The following ESRRG variants were observed in gnomAD, a reference collection of about 807,000 sequenced individuals.
ESRRG encodes estrogen-related receptor gamma.
Under a neutral mutation model 44.0 loss-of-function variants are expected in ESRRG, and 13 were observed. That is an observed-to-expected ratio of 0.30 (90% CI 0.19 to 0.47). ESRRG has a LOEUF of 0.47. ESRRG is among the 20% of genes least tolerant of loss of function. ESRRG has a pLI of 1.00. For missense variants in ESRRG, 395 were observed against 580.6 expected (o/e 0.68, Z 3.29); for synonymous variants, 215 against 214.6 (o/e 1.00, Z -0.02).
At chr1:216,622,398 C>G (rs570643189) in intron 3 of ESRRG, among the ~76,000 whole-genome samples, 1 of 152,294 alleles carries the variant, frequency 6.6e-6, no homozygotes, top group South Asian at 2.1e-4. Context: ...AAACTCATCT[C>G]TGCTTTCTTG....
intron 1 of ESRRG, among the ~76,000 whole-genome samples, chr1:216,687,383 G>A (rs955665938): frequency 2.6e-5 from 4 of 152,156 alleles, no homozygotes; most frequent in Admixed American, 6.6e-5. Flanking sequence ...CTGTTGAGTT[G>A]TTACTACATT....
chr1:216,723,190 C>A, intron 1 of ESRRG, 54 bp downstream of exon 1: 1 of 1,447,782 alleles, frequency 6.9e-7, no homozygotes, highest in Non-Finnish European at 9.7e-7. Flanking sequence ...TCTGTCCGCC[C>A]CCACCCCCGC....
chr1:216,579,532 A>G (rs2062333118), intron 3 of ESRRG, among the ~76,000 whole-genome samples: 1 of 152,124 alleles, frequency 6.6e-6, no homozygotes, highest in South Asian at 2.1e-4. Context: ...GACTGAGTGA[A>G]ACGTGTGAAA....
intron 3 of ESRRG, among the ~76,000 whole-genome samples, chr1:216,647,773 C>CCTTT (rs1406948489): frequency 2.0e-5 from 3 of 152,072 alleles, no homozygotes; most frequent in Non-Finnish European, 4.4e-5. Flanking sequence ...TATCAACTAC[C>CCTTT]CTTTTAATGA....
intron 1 of ESRRG, among the ~76,000 whole-genome samples, chr1:217,087,726 G>C (rs540261052): frequency 6.6e-6 from 1 of 152,188 alleles, no homozygotes. Context: ...ATATACACAC[G>C]TTTAATTCTA....
At chr1:216,979,151 C>A (rs1269342429) in intron 1 of ESRRG, among the ~76,000 whole-genome samples, 1 of 152,132 alleles carries the variant, frequency 6.6e-6, no homozygotes, top group African/African-American at 2.4e-5. Context: ...TCTCTCTAAA[C>A]CCCTACCCTT....
At chr1:217,054,098 G>A (rs1438506506) in intron 1 of ESRRG, among the ~76,000 whole-genome samples, 1 of 150,972 alleles carries the variant, frequency 6.6e-6, no homozygotes, top group African/African-American at 2.4e-5. Flanking sequence ...AATGAAAAAA[G>A]CCCATTGTAC....
intron 1 of ESRRG, among the ~76,000 whole-genome samples, chr1:217,053,663 C>T (rs2086555635): frequency 1.3e-5 from 2 of 152,088 alleles, no homozygotes; most frequent in East Asian, 1.9e-4. Context: ...AAATAATTTG[C>T]ATGGCATGAC....
intron 1 of ESRRG, among the ~76,000 whole-genome samples, chr1:217,063,682 G>A (rs1335169242): frequency 6.6e-6 from 1 of 152,164 alleles, no homozygotes; most frequent in Non-Finnish European, 1.5e-5. Flanking sequence ...ACCACAGGGT[G>A]GGAAGAGGGA....
rs140256558 is a variant in ESRRG, at chr1:217,119,068, CAGAT to C, written c.-230+18595_-230+18598del. The stretch of plus-strand genomic sequence containing the variant: ...ATAGATAGAGACACAGATACAGATA[CAGAT>C]AGATATATTTCAAGAAAACAATAAA... On this transcript the variant is annotated intron_variant, in intron 1 of 8. Coordinates refer to the ESRRG transcript ENST00000366940. Among the ~76,000 whole-genome samples, 470 of 152,102 alleles carry C rather than the reference CAGAT, an allele frequency of 3.1e-3. 5 individuals are homozygous for C. The highest frequency in any genetic ancestry group is 0.011 in the African/African-American group (445 of 41,486).
chr1:216,610,063 C>G (rs1240336035), intron 3 of ESRRG, among the ~76,000 whole-genome samples: 1 of 152,128 alleles, frequency 6.6e-6, no homozygotes, highest in African/African-American at 2.4e-5. Flanking sequence ...GTATTTGGTA[C>G]AGAGGCAGAG....
At chr1:217,025,950 C>T in intron 1 of ESRRG, among the ~76,000 whole-genome samples, 1 of 151,960 alleles carries the variant, frequency 6.6e-6, no homozygotes, top group East Asian at 1.9e-4. Flanking sequence ...TAATACATGG[C>T]CTGAGATGAG....
intron 1 of ESRRG, among the ~76,000 whole-genome samples, chr1:217,104,822 T>C (rs1166354): frequency 0.71 from 108,352 of 152,034 alleles, 39,201 homozygotes; most frequent in Middle Eastern, 0.83. Flanking sequence ...TATTTTTTAA[T>C]TGACAATAAA....
chr1:216,605,213 G>A (rs543528773), intron 3 of ESRRG, among the ~76,000 whole-genome samples: 72 of 152,250 alleles, frequency 4.7e-4, no homozygotes, highest in African/African-American at 1.6e-3. Flanking sequence ...GTACTATGGC[G>A]TGTGAACCAA....
At chr1:216,836,627 G>A (rs1239545993) in intron 2 of ESRRG, among the ~76,000 whole-genome samples, 1 of 151,912 alleles carries the variant, frequency 6.6e-6, no homozygotes, top group African/African-American at 2.4e-5. Flanking sequence ...GCATAAATGA[G>A]TTTTACAACA....
intron 2 of ESRRG, among the ~76,000 whole-genome samples, chr1:216,911,302 G>A (rs185948967): frequency 6.6e-5 from 10 of 152,122 alleles, no homozygotes; most frequent in South Asian, 2.1e-4. Flanking sequence ...CTAAAAAGAC[G>A]AACTATCAAG....
At chr1:216,941,751 T>G (rs978518868) in intron 1 of ESRRG, among the ~76,000 whole-genome samples, 2 of 152,160 alleles carry the variant, frequency 1.3e-5, no homozygotes, top group African/African-American at 4.8e-5. Context: ...GGTAATTTAC[T>G]AAGAATGGGG....
intron 5 of ESRRG, among the ~76,000 whole-genome samples, chr1:216,540,083 A>T (rs537971444): frequency 6.6e-6 from 1 of 152,174 alleles, no homozygotes; most frequent in East Asian, 1.9e-4. Flanking sequence ...CATTGTATGT[A>T]GAATTTATGT....
chr1:216,733,248 A>AT (rs55691102), intron 2 of ESRRG, among the ~76,000 whole-genome samples: 4,011 of 138,852 alleles, frequency 0.029, 121 homozygotes, highest in African/African-American at 0.071. Flanking sequence ...GTATAAGGGC[A>AT]TTTTTTTTTT....
Sources: gnomAD v4.1 joint callset for allele counts (sites outside exome capture counted in the v4.1 genomes callset) on GRCh38, gnomAD v4.1.1 for gene constraint, MANE v1.5 for transcripts, NCBI Gene and HGNC (gene_info 2026-07-23, HGNC 2026-07-21) for gene names.